FBXL7: variants seen among roughly 807,000 people sequenced by gnomAD.
FBXL7 encodes F-box and leucine rich repeat protein 7.
A neutral mutation model predicts 38.3 loss-of-function variants in FBXL7; 12 were observed. The observed-to-expected ratio is 0.31, with a 90% CI of 0.20 to 0.51. The LOEUF is 0.51. FBXL7 is among the 20% of genes least tolerant of loss of function. The pLI, the probability that FBXL7 is intolerant of heterozygous loss-of-function variation, is 0.98. For synonymous variants in FBXL7, 297 were observed against 300.9 expected, an observed-to-expected ratio of 0.99 and a Z score of 0.13; for missense variants, 567 against 676.4, an observed-to-expected ratio of 0.84 and a Z score of 1.79.
At chr5:15,593,368 A>C (rs1739534713) in intron 1 of FBXL7, among the ~76,000 whole-genome samples, 1 of 152,174 alleles carries the variant, frequency 6.6e-6, no homozygotes, top group Admixed American at 6.5e-5. Flanking sequence ...TACTAAAAAT[A>C]CAAAAATTAG....
chr5:15,541,690 G>A (rs1262372932), intron 1 of FBXL7, among the ~76,000 whole-genome samples: 2 of 150,450 alleles, frequency 1.3e-5, no homozygotes, highest in African/African-American at 2.4e-5. Context: ...GATTACAGGC[G>A]CCCGCCACCA....
At chr5:15,927,798 G>GACAC in intron 2 of FBXL7, 92 bp from the exon 3 acceptor site, 2 of 657,738 alleles carry the variant, frequency 3.0e-6, no homozygotes, top group Non-Finnish European at 4.4e-6. Context: ...GAAGAAGAAA[G>GACAC]AAAAGAAAAG....
chr5:15,748,155 G>A (rs1736062809), intron 2 of FBXL7, among the ~76,000 whole-genome samples: 2 of 151,872 alleles, frequency 1.3e-5, no homozygotes, highest in South Asian at 4.2e-4. Context: ...AGGGGGTGAG[G>A]TACTACTGGC....
intron 2 of FBXL7, among the ~76,000 whole-genome samples, chr5:15,873,175 A>G (rs763534665): frequency 1.3e-5 from 2 of 151,364 alleles, no homozygotes; most frequent in African/African-American, 4.8e-5. Context: ...CTGCTCCTGA[A>G]TGACTTAAGG....
At chr5:15,771,818 C>T (rs1355950708) in intron 2 of FBXL7, among the ~76,000 whole-genome samples, 2 of 139,468 alleles carry the variant, frequency 1.4e-5, no homozygotes, top group Admixed American at 7.7e-5. Context: ...TCTTATTGCT[C>T]AGGCTGGAGT....
At chr5:15,576,163 A>G (rs1055347353) in intron 1 of FBXL7, among the ~76,000 whole-genome samples, 13 of 139,970 alleles carry the variant, frequency 9.3e-5, no homozygotes, top group African/African-American at 3.3e-4. Context: ...GCTCACTGCA[A>G]CCTCCACCTC....
chr5:15,764,243 T>C (rs1181738618), intron 2 of FBXL7, among the ~76,000 whole-genome samples: 1 of 152,204 alleles, frequency 6.6e-6, no homozygotes, highest in Non-Finnish European at 1.5e-5. Flanking sequence ...GTTCCATAGA[T>C]CAGAAGCAGG....
chr5:15,653,860 C>T (rs895036136), intron 2 of FBXL7, among the ~76,000 whole-genome samples: 1 of 152,184 alleles, frequency 6.6e-6, no homozygotes. Flanking sequence ...CAGAAGCTAC[C>T]AGTAAAGACA....
intron 2 of FBXL7, among the ~76,000 whole-genome samples, chr5:15,796,189 A>G (rs561699922): frequency 6.6e-6 from 1 of 152,338 alleles, no homozygotes; most frequent in East Asian, 1.9e-4. Flanking sequence ...TATGAATTAT[A>G]ACGATGATAA....
At chr5:15,806,772 A>C (rs1413699358) in intron 2 of FBXL7, among the ~76,000 whole-genome samples, 2 of 152,150 alleles carry the variant, frequency 1.3e-5, no homozygotes, top group Non-Finnish European at 2.9e-5. Flanking sequence ...TATAGCTAGA[A>C]GTACCTCTTC....
At chr5:15,672,583 G>C in intron 2 of FBXL7, among the ~76,000 whole-genome samples, 1 of 138,516 alleles carries the variant, frequency 7.2e-6, no homozygotes, top group South Asian at 2.3e-4. Context: ...TTGAGATGAA[G>C]TCTTACTGTC....
In FBXL7 at chr5:15,892,884, G is replaced by A. The variant is rs568345761; in HGVS notation, c.128-35006G>A. Reference sequence around the variant, plus strand: ...TGTAATCCCAGCACTTTGGGAGGCCGAGGGGGGCGGATCACGAGGTCAGGA... The same window carrying A: ...TGTAATCCCAGCACTTTGGGAGGCCAAGGGGGGCGGATCACGAGGTCAGGA... On this transcript the variant is annotated intron_variant, in intron 2 of 3. Coordinates refer to ENST00000504595, the MANE Select transcript of FBXL7 (RefSeq NM_012304.5). Among the ~76,000 whole-genome samples, 1,024 of 152,246 alleles carry A rather than the reference G, an allele frequency of 6.7e-3. 6 individuals carry two copies. Among genetic ancestry groups the A allele is most frequent in the Middle Eastern group, 0.014 (4 of 294 alleles).
chr5:15,796,710 G>A (rs77577648), intron 2 of FBXL7, among the ~76,000 whole-genome samples: 1 of 152,162 alleles, frequency 6.6e-6, no homozygotes, highest in Admixed American at 6.5e-5. Context: ...TCAGCAGGGA[G>A]TATTTTCCCT....
At chr5:15,713,333 C>T (rs764831660) in intron 2 of FBXL7, among the ~76,000 whole-genome samples, 3 of 152,148 alleles carry the variant, frequency 2.0e-5, no homozygotes, top group Non-Finnish European at 4.4e-5. Context: ...CAGCTATCTC[C>T]CACTGGGTCC....
At chr5:15,836,156 T>C (rs1354250617) in intron 2 of FBXL7, among the ~76,000 whole-genome samples, 1 of 152,212 alleles carries the variant, frequency 6.6e-6, no homozygotes, top group Non-Finnish European at 1.5e-5. Context: ...TTGTATCTTA[T>C]CATTGTACCA....
chr5:15,615,928 T>C (rs1004061873), intron 1 of FBXL7, 55 bp from the exon 2 acceptor site: 42 of 1,193,898 alleles, frequency 3.5e-5, no homozygotes, highest in Non-Finnish European at 4.4e-5. Flanking sequence ...GTGGAAGGCA[T>C]GGTCCAGGTC....
chr5:15,866,730 CA>C lies in FBXL7; in HGVS notation c.128-61158del, dbSNP rs1017413770. On this transcript the variant is annotated intron_variant, in intron 2 of 3. Transcript: ENST00000504595. ...TCTGTGTCCATGTGTTCTCATTGTTCAACTCCCACTTATAAGTGAGAATATG... is the reference window on the plus strand; with the variant it reads ...TCTGTGTCCATGTGTTCTCATTGTTCACTCCCACTTATAAGTGAGAATATG... 3.7e-4 allele frequency among the ~76,000 whole-genome samples: 46 copies of C among 125,718 alleles called. 1 individual carries two copies. Among genetic ancestry groups the C allele is most frequent in the African/African-American group, 1.4e-3 (46 of 33,298 alleles). 82.5% of individuals were successfully genotyped at this position (125,718 alleles called of 152,430 possible). A position where few individuals can be genotyped will look rare whatever the true frequency, so the allele number is the denominator to read the frequency against.
intron 2 of FBXL7, among the ~76,000 whole-genome samples, chr5:15,706,307 A>C (rs1231183242): frequency 1.3e-5 from 2 of 152,080 alleles, no homozygotes; most frequent in Non-Finnish European, 2.9e-5. Flanking sequence ...GCCACCACCA[A>C]CTCTCTCTTG....
At chr5:15,825,320 A>G (rs1738282603) in intron 2 of FBXL7, among the ~76,000 whole-genome samples, 1 of 152,178 alleles carries the variant, frequency 6.6e-6, no homozygotes, top group Non-Finnish European at 1.5e-5. Context: ...GAATTTGTCC[A>G]GGAATGTTAA....
Sources: allele counts gnomAD v4.1 joint callset (sites outside exome capture counted in the v4.1 genomes callset), GRCh38; gene constraint gnomAD v4.1.1; transcripts MANE v1.5; gene names NCBI Gene and HGNC (gene_info 2026-07-23, HGNC 2026-07-21).